The following ACTL6B variants were observed in gnomAD, a reference collection of about 807,000 sequenced individuals.
ACTL6B encodes the protein actin like 6B.
Under a neutral mutation model 63.3 loss-of-function variants are expected in ACTL6B, and 48 were observed. The ratio of observed to expected loss-of-function variants is 0.76; its 90% CI spans 0.60 to 0.96. The LOEUF (loss-of-function observed/expected upper bound fraction) is 0.96. Among genes scored for constraint, ACTL6B ranks in the 50% least tolerant of loss-of-function variants. The pLI is 0.00. For synonymous variants in ACTL6B, 230 were observed against 223.8 expected (o/e 1.03, Z -0.25); for missense variants, 350 against 572.2 (o/e 0.61, Z 3.96).
chr7:100,649,334 A>G (rs1803887068), intron 5 of ACTL6B, among the ~76,000 whole-genome samples: 1 of 136,586 alleles, frequency 7.3e-6, no homozygotes. Context: ...TTTGAAACTG[A>G]GTTTCGTTTT....
At chr7:100,649,982 G>T in intron 5 of ACTL6B, 56 bp downstream of exon 5, 3 of 1,533,678 alleles carry the variant, frequency 2.0e-6, no homozygotes, top group Non-Finnish European at 1.8e-6. Flanking sequence ...GCTGAGCTCA[G>T]CACAGGCCCC....
intron 4 of ACTL6B, 147 bp from the exon 5 acceptor site, chr7:100,650,282 TCACA>T: frequency 1.5e-6 from 1 of 655,166 alleles, no homozygotes; most frequent in East Asian, 2.8e-5. Flanking sequence ...ACCTAAACAC[TCACA>T]CATACACTCA....
At chr7:100,653,836 C>T (rs916829557) in intron 4 of ACTL6B, among the ~76,000 whole-genome samples, 4 of 152,104 alleles carry the variant, frequency 2.6e-5, no homozygotes, top group African/African-American at 4.8e-5. Flanking sequence ...AAACACTCCA[C>T]AGGCAGCAAT....
Position 100,647,749 on chromosome 7 carries a change from C to T in ACTL6B, c.670-216G>A. ...CTTTCATGCGGTGGGTGCAGCTGAT[C>T]TGGAGAACACCAGGAATACAGCAGT... On this transcript the variant is annotated intron_variant, in intron 7 of 13. Coordinates refer to ENST00000160382, the MANE Select transcript of ACTL6B (RefSeq NM_016188.5). This position sits in a 1 kb window ranked among gnomAD's most constrained non-coding sequence, Gnocchi z 4.4. The T allele has an allele frequency of 3.8e-6, 2 of 532,038 alleles. No individual in the cohort carries two copies. Among genetic ancestry groups the T allele is most frequent in the Non-Finnish European group, 6.6e-6 (2 of 301,052 alleles). The allele number at this position is 532,038 out of a possible 1,614,324, so 33.0% of individuals were successfully genotyped here.
intron 5 of ACTL6B, 185 bp downstream of exon 5, chr7:100,649,852 AC>A (rs1288121335): frequency 1.3e-5 from 7 of 559,440 alleles, no homozygotes; most frequent in Non-Finnish European, 2.2e-5. Flanking sequence ...TGATCTGGCC[AC>A]CCCAGAGTCG....
intron 4 of ACTL6B, among the ~76,000 whole-genome samples, chr7:100,651,281 T>G (rs1803934591): frequency 6.6e-6 from 1 of 152,128 alleles, no homozygotes; most frequent in Admixed American, 6.5e-5. Flanking sequence ...CTGGGCGCGG[T>G]GGCTCATGCC....
intron 4 of ACTL6B, 69 bp downstream of exon 4, chr7:100,654,950 A>AGAGGTGGATGGTGGGAAG (rs2131339044): frequency 1.5e-6 from 2 of 1,311,328 alleles, no homozygotes; most frequent in African/African-American, 2.9e-5. Flanking sequence ...GGAGAGGAGG[A>AGAGGTGGATGGTGGGAAG]GAGGTGGATG....
In ACTL6B at chr7:100,655,796, G is replaced by A. The variant is rs975127383; in HGVS notation, c.102+7C>T. ...CTAGGATTTGGAGAGGAGACTGGAA[G>A]GCTCACCTTGGGACAGTCCTCCCCA... On this transcript the variant is annotated splice_region_variant and intron_variant, in intron 2 of 13. Transcript: ENST00000160382. This position sits in a 1 kb window ranked among gnomAD's most constrained non-coding sequence, Gnocchi z 4.4. 1 of 1,563,630 alleles carries A rather than the reference G, an allele frequency of 6.4e-7. No individual in the cohort carries two copies. The highest frequency in any genetic ancestry group is 1.4e-5 in the African/African-American group (1 of 73,444).
chr7:100,643,139 A>G lies in ACTL6B; in HGVS notation c.*107T>C, dbSNP rs1803752584. 1 of 1,196,978 alleles carries G rather than the reference A, an allele frequency of 8.4e-7. No homozygotes were observed. The highest frequency in any genetic ancestry group is 1.2e-6 in the Non-Finnish European group (1 of 826,720). The allele number at this position is 1,196,978 out of a possible 1,614,324, so 74.1% of individuals were successfully genotyped here. A position where few individuals can be genotyped will look rare whatever the true frequency, so the allele number is the denominator to read the frequency against. On this transcript the variant is annotated 3_prime_UTR_variant, in exon 14 of 14. Transcript: ENST00000160382. ...TTTTTACTTCTTTCAACCCAGAAAC[A>G]TCACCATTAATGAGGACAAGAGGGA...
Position 100,655,010 on chromosome 7 carries a change from G to A in ACTL6B, c.369+9C>T. On this transcript the variant is annotated intron_variant, in intron 4 of 13. Transcript: ENST00000160382. The surrounding 1 kb of genome is among the most constrained non-coding windows in gnomAD (Gnocchi z 4.4). The stretch of plus-strand genomic sequence containing the variant: ...CAGGGTTGGACATGAGGATGGAGGA[G>A]GCACTCACCGGAGCCTCGGACATGA... The A allele has an allele frequency of 1.2e-6, 2 of 1,610,440 alleles. No individual in the cohort carries two copies. The highest frequency in any genetic ancestry group is 8.5e-7 in the Non-Finnish European group (1 of 1,177,074).
chr7:100,645,948 T>C (rs1027738388), intron 13 of ACTL6B, among the ~76,000 whole-genome samples: 1 of 152,128 alleles, frequency 6.6e-6, no homozygotes, highest in African/African-American at 2.4e-5. Flanking sequence ...CCCCAGTTTG[T>C]AAAAGTAGAG....
In ACTL6B at chr7:100,647,574, C is replaced by T. The variant is rs1159445079; in HGVS notation, c.670-41G>A. 11 of 1,434,986 alleles carry T rather than the reference C, an allele frequency of 7.7e-6. No homozygotes were observed. The highest frequency in any genetic ancestry group is 1.4e-5 in the African/African-American group (1 of 70,566). The allele number at this position is 1,434,986 out of a possible 1,614,324, so 88.9% of individuals were successfully genotyped here. A position where few individuals can be genotyped will look rare whatever the true frequency, so the allele number is the denominator to read the frequency against. On this transcript the variant is annotated intron_variant, in intron 7 of 13. Transcript: ENST00000160382. The surrounding 1 kb of genome is among the most constrained non-coding windows in gnomAD (Gnocchi z 4.4). ...GTAGGAACACCCTTTCCTAGCCCAC[C>T]TGACCCCCACCCCCACCTTCCTGGC... is the stretch of plus-strand genomic sequence containing the variant.
chr7:100,648,741 C>A lies in ACTL6B; in HGVS notation c.550G>T (p.Val184Phe). The A allele has an allele frequency of 6.2e-7, 1 of 1,614,128 alleles. No individual in the cohort carries two copies. Among genetic ancestry groups the A allele is most frequent in the South Asian group, 1.1e-5 (1 of 91,080 alleles). The change falls in exon 6 of 14, where the codon GTT becomes TTT. Residue 184 changes from valine (V) to phenylalanine (F), a missense_variant. Transcript: ENST00000160382. This position sits in a 1 kb window ranked among gnomAD's most constrained non-coding sequence, Gnocchi z 4.4. ...TTAIPVHDGY[V>F]LQQGIVKSPL... Reference sequence around the variant, plus strand: ...GCCGAAGCCCCACCTTGCTGCAGAACGTAGCCGTCATGTACTGGAATGGCC... The same window carrying A: ...GCCGAAGCCCCACCTTGCTGCAGAAAGTAGCCGTCATGTACTGGAATGGCC...
Position 100,648,334 on chromosome 7 carries a change from C to A in ACTL6B, c.669+222G>T. 2.0e-6 allele frequency: 1 copy of A among 491,650 alleles called. No individual in the cohort carries two copies. Among genetic ancestry groups the A allele is most frequent in the Non-Finnish European group, 3.6e-6 (1 of 274,544 alleles). The allele number at this position is 491,650 out of a possible 1,614,324, so 30.5% of individuals were successfully genotyped here. A position where few individuals can be genotyped will look rare whatever the true frequency, so the allele number is the denominator to read the frequency against. On this transcript the variant is annotated intron_variant, in intron 7 of 13. Transcript: ENST00000160382. This position sits in a 1 kb window ranked among gnomAD's most constrained non-coding sequence, Gnocchi z 4.4. ...TGGACCCTAGAACCCACCACACTGG[C>A]CCTCACACATCCTGCTGTCTGCCAG...
chr7:100,643,962 C>T (rs1010907005), intron 13 of ACTL6B, among the ~76,000 whole-genome samples: 5 of 152,030 alleles, frequency 3.3e-5, no homozygotes, highest in African/African-American at 4.8e-5. Context: ...TGCAGTGGTG[C>T]GATCTTGGCT....
In ACTL6B at chr7:100,643,257, TTCGC is replaced by T; in HGVS notation, c.1266_1269del (p.Arg423SerfsTer37). 6.2e-7 allele frequency: 1 copy of T among 1,613,946 alleles called. No individual in the cohort carries two copies. The highest frequency in any genetic ancestry group is 8.5e-7 in the Non-Finnish European group (1 of 1,179,954). ...GGGGAGGAGTGCCATCAGGGGCACTTTCGCTCCACGCACTGCTTCCCGCCCTCCT... is the reference window on the plus strand; with the variant it reads ...GGGGAGGAGTGCCATCAGGGGCACTTTCCACGCACTGCTTCCCGCCCTCCT... On this transcript the variant is annotated frameshift_variant, in exon 14 of 14. Coordinates refer to ENST00000160382, the MANE Select transcript of ACTL6B (RefSeq NM_016188.5). LOFTEE classifies it high-confidence loss of function.
Position 100,646,152 on chromosome 7 carries a change from T to A in ACTL6B, c.1200+97A>T. ...TTCTCAAAACTAAATGTTTGTTGAATGAATGAATGAACGAAGAGGCAGTCA... is the reference window on the plus strand; with the variant it reads ...TTCTCAAAACTAAATGTTTGTTGAAAGAATGAATGAACGAAGAGGCAGTCA... On this transcript the variant is annotated intron_variant, in intron 13 of 13. Transcript: ENST00000160382. The surrounding 1 kb of genome is among the most constrained non-coding windows in gnomAD (Gnocchi z 6.1). 1 of 1,019,008 alleles carries A rather than the reference T, an allele frequency of 9.8e-7. No homozygotes were observed. The highest frequency in any genetic ancestry group is 1.5e-6 in the Non-Finnish European group (1 of 657,936). 63.1% of individuals were successfully genotyped at this position (1,019,008 alleles called of 1,614,324 possible).
rs1803753009 is a variant in ACTL6B, at chr7:100,643,152, A to C, written c.*94T>G. 2 of 1,258,090 alleles carry C rather than the reference A, an allele frequency of 1.6e-6. No individual in the cohort carries two copies. The highest frequency in any genetic ancestry group is 2.3e-6 in the Non-Finnish European group (2 of 873,986). 77.9% of individuals were successfully genotyped at this position (1,258,090 alleles called of 1,614,324 possible). A position where few individuals can be genotyped will look rare whatever the true frequency, so the allele number is the denominator to read the frequency against. Reference sequence around the variant, plus strand: ...CAACCCAGAAACATCACCATTAATGAGGACAAGAGGGAAAGGAGGAGGGGG... The same window carrying C: ...CAACCCAGAAACATCACCATTAATGCGGACAAGAGGGAAAGGAGGAGGGGG... On this transcript the variant is annotated 3_prime_UTR_variant, in exon 14 of 14. Transcript: ENST00000160382.
intron 4 of ACTL6B, among the ~76,000 whole-genome samples, chr7:100,652,234 T>G (rs1281170793): frequency 1.3e-5 from 2 of 151,540 alleles, no homozygotes; most frequent in Non-Finnish European, 2.9e-5. Context: ...CCGCCTCTAC[T>G]AAAAATACAA....
Sources: allele counts gnomAD v4.1 joint callset (sites outside exome capture counted in the v4.1 genomes callset), GRCh38; gene constraint gnomAD v4.1.1; non-coding constraint Gnocchi (gnomAD v3.1); transcripts MANE v1.5; gene names NCBI Gene and HGNC (gene_info 2026-07-23, HGNC 2026-07-21).